KCTD8: variants seen among roughly 807,000 people sequenced by gnomAD.
The protein encoded by KCTD8 is potassium channel tetramerization domain containing 8.
A neutral mutation model predicts 31.5 loss-of-function variants in KCTD8; 27 were observed. That is an observed-to-expected ratio of 0.86 (90% CI 0.63 to 1.18). KCTD8 has a LOEUF of 1.18. Among genes scored for constraint, KCTD8 ranks in the 50% most tolerant of loss-of-function variants. The probability of loss-of-function intolerance (pLI) is 0.00; values close to 1 mark genes in which losing one functional copy is unlikely to be tolerated. For synonymous variants in KCTD8, 290 were observed against 280.0 expected (o/e 1.04, Z -0.36); for missense variants, 658 against 647.7 (o/e 1.02, Z -0.17).
At chr4:44,295,376 G>A (rs563631183) in intron 1 of KCTD8, among the ~76,000 whole-genome samples, 1 of 152,068 alleles carries the variant, frequency 6.6e-6, no homozygotes, top group Non-Finnish European at 1.5e-5. Flanking sequence ...TAAAATGCTG[G>A]CAATGTTTGG....
chr4:44,180,876 T>C (rs576585610), intron 1 of KCTD8, among the ~76,000 whole-genome samples: 30 of 152,218 alleles, frequency 2.0e-4, no homozygotes, highest in African/African-American at 7.2e-4. Flanking sequence ...TGATCAAATA[T>C]TAAGCATTAA....
intron 1 of KCTD8, among the ~76,000 whole-genome samples, chr4:44,186,491 G>C (rs1041178095): frequency 2.0e-5 from 3 of 152,148 alleles, no homozygotes; most frequent in African/African-American, 7.2e-5. Context: ...TAAGGCAGAG[G>C]GTCTAATTGA....
At chr4:44,425,545 A>G (rs1328060763) in intron 1 of KCTD8, among the ~76,000 whole-genome samples, 1 of 152,022 alleles carries the variant, frequency 6.6e-6, no homozygotes, top group Non-Finnish European at 1.5e-5. Context: ...TTGCCACTTA[A>G]TCCTCAGCAC....
intron 1 of KCTD8, among the ~76,000 whole-genome samples, chr4:44,301,336 G>C (rs1717613538): frequency 6.6e-6 from 1 of 152,140 alleles, no homozygotes; most frequent in African/African-American, 2.4e-5. Flanking sequence ...CCCACCAACA[G>C]TGTAAAAGTG....
At chr4:44,271,119 A>T (rs1228060110) in intron 1 of KCTD8, among the ~76,000 whole-genome samples, 1 of 152,270 alleles carries the variant, frequency 6.6e-6, no homozygotes, top group East Asian at 1.9e-4. Context: ...AGGAAAGGAT[A>T]ACCATTAACA....
At chr4:44,396,645 A>C (rs556179518) in intron 1 of KCTD8, among the ~76,000 whole-genome samples, 1 of 152,192 alleles carries the variant, frequency 6.6e-6, no homozygotes, top group African/African-American at 2.4e-5. Flanking sequence ...CTAAGAAAAA[A>C]ATCAGGTCAA....
chr4:44,447,562 C>G lies in KCTD8; in HGVS notation c.961+1G>C. The G allele has an allele frequency of 6.4e-7, 1 of 1,550,674 alleles. No individual in the cohort carries two copies. The highest frequency in any genetic ancestry group is 8.7e-7 in the Non-Finnish European group (1 of 1,143,210). On this transcript the variant is annotated splice_donor_variant, in intron 1 of 1. Transcript: ENST00000360029. LOFTEE classifies it high-confidence loss of function. ...GGGAAACGCCGGGGCTGCGAACTTA[C>G]GGAAGAAAATGTACTCGGTGTAGCT...
intron 1 of KCTD8, among the ~76,000 whole-genome samples, chr4:44,425,521 T>C (rs1721324507): frequency 2.0e-5 from 3 of 152,020 alleles, no homozygotes; most frequent in Admixed American, 2.0e-4. Flanking sequence ...GAGGCAGATG[T>C]TTAGTGTGTC....
At chr4:44,373,048 C>T (rs1460983619) in intron 1 of KCTD8, among the ~76,000 whole-genome samples, 1 of 152,048 alleles carries the variant, frequency 6.6e-6, no homozygotes, top group Non-Finnish European at 1.5e-5. Flanking sequence ...ATTTACAATG[C>T]TCATAGACTA....
chr4:44,396,386 G>A (rs922013607), intron 1 of KCTD8, among the ~76,000 whole-genome samples: 4 of 152,054 alleles, frequency 2.6e-5, no homozygotes, highest in African/African-American at 9.7e-5. Context: ...GTGGCCTGGG[G>A]TTTGGGGACC....
intron 1 of KCTD8, among the ~76,000 whole-genome samples, chr4:44,209,859 A>G (rs1395204949): frequency 2.6e-5 from 4 of 152,222 alleles, no homozygotes; most frequent in Admixed American, 2.6e-4. Flanking sequence ...GAAGAGCTGC[A>G]TTAAGGAACC....
At chr4:44,406,160 T>C (rs899999432) in intron 1 of KCTD8, among the ~76,000 whole-genome samples, 1 of 152,144 alleles carries the variant, frequency 6.6e-6, no homozygotes, top group African/African-American at 2.4e-5. Flanking sequence ...TGAATATCAA[T>C]TCTGAGTTTA....
intron 1 of KCTD8, among the ~76,000 whole-genome samples, chr4:44,306,685 CA>C (rs1717813761): frequency 6.6e-6 from 1 of 151,770 alleles, no homozygotes; most frequent in Non-Finnish European, 1.5e-5. Context: ...TGCATGATCT[CA>C]GTCCTGAACA....
At chr4:44,256,189 C>T (rs531268055) in intron 1 of KCTD8, among the ~76,000 whole-genome samples, 12 of 151,984 alleles carry the variant, frequency 7.9e-5, no homozygotes, top group African/African-American at 1.9e-4. Flanking sequence ...CCTCCCACGA[C>T]GTGAGAATTA....
At position 44,268,258 on chromosome 4, in the gene KCTD8, T is replaced by C. The variant is rs1414611952; in HGVS notation, c.962-93008A>G. On this transcript the variant is annotated intron_variant, in intron 1 of 1. Transcript: ENST00000360029. ...TTCAATATATGCAAATCAATAAATG[T>C]AATCCAGCATATAAACAGAACCAAA... 2.6e-5 allele frequency among the ~76,000 whole-genome samples: 4 copies of C among 152,014 alleles called. No individual in the cohort carries two copies. In the East Asian group the frequency reaches 7.8e-4, roughly 30 times the overall value.
At chr4:44,265,050 G>T (rs1716301264) in intron 1 of KCTD8, among the ~76,000 whole-genome samples, 1 of 152,178 alleles carries the variant, frequency 6.6e-6, no homozygotes. Context: ...GGTTCTCCCA[G>T]CACGCAGCTG....
chr4:44,326,185 A>G (rs1418590645), intron 1 of KCTD8, among the ~76,000 whole-genome samples: 1 of 151,732 alleles, frequency 6.6e-6, no homozygotes, highest in East Asian at 1.9e-4. Context: ...AGCATCTTCC[A>G]TGTTCAAGGA....
chr4:44,260,459 T>C (rs1036053618), intron 1 of KCTD8, among the ~76,000 whole-genome samples: 4 of 151,886 alleles, frequency 2.6e-5, no homozygotes, highest in Admixed American at 2.0e-4. Flanking sequence ...AGGTACTTGA[T>C]AAAAACATTG....
chr4:44,425,531 C>CT (rs1721324974), intron 1 of KCTD8, among the ~76,000 whole-genome samples: 1 of 151,944 alleles, frequency 6.6e-6, no homozygotes, highest in African/African-American at 2.4e-5. Context: ...TTTAGTGTGT[C>CT]TTTTTGCCAC....
Sources: allele counts gnomAD v4.1 joint callset (sites outside exome capture counted in the v4.1 genomes callset), GRCh38; gene constraint gnomAD v4.1.1; transcripts MANE v1.5; gene names NCBI Gene and HGNC (gene_info 2026-07-23, HGNC 2026-07-21).